Variants in DAB1 observed in about 807,000 individuals in gnomAD.
DAB1 encodes DAB adaptor protein 1.
DAB1 carries 15 observed loss-of-function variants against 64.6 expected under a neutral mutation model. The ratio of observed to expected loss-of-function variants is 0.23; its 90% confidence interval spans 0.16 to 0.36. DAB1 has a LOEUF of 0.36. Among genes scored for constraint, DAB1 ranks in the 10% least tolerant of loss-of-function variants. The probability of loss-of-function intolerance (pLI) is 1.00; values close to 1 mark genes in which losing one functional copy is unlikely to be tolerated. For synonymous variants in DAB1, 235 were observed against 251.9 expected, an observed-to-expected ratio of 0.93 and a Z score of 0.64; for missense variants, 596 against 706.7, an observed-to-expected ratio of 0.84 and a Z score of 1.78.
intron 5 of DAB1, among the ~76,000 whole-genome samples, chr1:58,018,471 C>A (rs116438968): frequency 7.0e-4 from 106 of 152,302 alleles, no homozygotes; most frequent in Middle Eastern, 6.8e-3. Context: ...AGGCTTTGAG[C>A]CACTTTTCTT....
chr1:58,495,909 A>G (rs1342739500), intron 3 of DAB1, among the ~76,000 whole-genome samples: 1 of 152,186 alleles, frequency 6.6e-6, no homozygotes, highest in Non-Finnish European at 1.5e-5. Context: ...TTACCTAGGT[A>G]GCTTGTAAAA....
chr1:57,039,125 A>T (rs1440621425), intron 9 of DAB1, among the ~76,000 whole-genome samples: 1 of 152,256 alleles, frequency 6.6e-6, no homozygotes, highest in Non-Finnish European at 1.5e-5. Flanking sequence ...TGTGGGGAAC[A>T]GTAGTTTTCA....
chr1:57,790,259 C>T (rs1036898327), intron 6 of DAB1, among the ~76,000 whole-genome samples: 2 of 152,152 alleles, frequency 1.3e-5, no homozygotes, highest in Non-Finnish European at 2.9e-5. Flanking sequence ...CCATGCTGTT[C>T]TCATGATAGC....
intron 2 of DAB1, among the ~76,000 whole-genome samples, chr1:58,510,909 A>G (rs980370899): frequency 6.6e-6 from 1 of 152,136 alleles, no homozygotes; most frequent in African/African-American, 2.4e-5. Context: ...ATTAAACCAA[A>G]CTAAGGAGGT....
At chr1:58,512,313 T>A (rs944399771) in intron 2 of DAB1, among the ~76,000 whole-genome samples, 1 of 152,156 alleles carries the variant, frequency 6.6e-6, no homozygotes, top group African/African-American at 2.4e-5. Flanking sequence ...GAACATAAAA[T>A]GGTGTGGACT....
intron 2 of DAB1, among the ~76,000 whole-genome samples, chr1:57,152,601 G>A (rs933236127): frequency 6.6e-6 from 1 of 152,242 alleles, no homozygotes; most frequent in Non-Finnish European, 1.5e-5. Flanking sequence ...CCTATGTGAT[G>A]TCACTTGCCC....
chr1:58,172,860 G>T (rs1656252883), intron 4 of DAB1, among the ~76,000 whole-genome samples: 1 of 152,242 alleles, frequency 6.6e-6, no homozygotes, highest in South Asian at 2.1e-4. Context: ...TATACAGATA[G>T]CAAGTATGCT....
At chr1:57,518,431 T>TAAATA (rs1268080437) in intron 7 of DAB1, among the ~76,000 whole-genome samples, 2 of 151,968 alleles carry the variant, frequency 1.3e-5, no homozygotes, top group East Asian at 1.9e-4. Flanking sequence ...AAAATAGAAA[T>TAAATA]AAATAAAATA....
intron 5 of DAB1, among the ~76,000 whole-genome samples, chr1:58,043,477 T>C (rs1173732470): frequency 6.6e-6 from 1 of 152,174 alleles, no homozygotes. Context: ...CTCTTCTATT[T>C]CCACTGCTTG....
At chr1:58,146,970 A>G (rs947796068) in intron 5 of DAB1, among the ~76,000 whole-genome samples, 3 of 152,196 alleles carry the variant, frequency 2.0e-5, no homozygotes, top group Non-Finnish European at 4.4e-5. Context: ...ACAAGGATGT[A>G]GAGAGACGGG....
intron 2 of DAB1, among the ~76,000 whole-genome samples, chr1:57,277,767 G>A (rs77706597): frequency 2.5e-4 from 38 of 152,222 alleles, no homozygotes; most frequent in Non-Finnish European, 4.9e-4. Flanking sequence ...TCCTTCCCGT[G>A]CACATTTGTC....
chr1:57,691,123 G>C (rs565819071), intron 6 of DAB1, among the ~76,000 whole-genome samples: 6 of 152,082 alleles, frequency 3.9e-5, no homozygotes, highest in African/African-American at 7.2e-5. Flanking sequence ...TTCCTGGGTC[G>C]AGTGGGGACT....
intron 6 of DAB1, among the ~76,000 whole-genome samples, chr1:57,699,800 C>A (rs1646886891): frequency 6.6e-6 from 1 of 152,070 alleles, no homozygotes; most frequent in Admixed American, 6.6e-5. Context: ...GTAGTCCCAG[C>A]TACTTGGGAG....
At chr1:57,534,516 G>A (rs1288297685) in intron 7 of DAB1, among the ~76,000 whole-genome samples, 1 of 152,188 alleles carries the variant, frequency 6.6e-6, no homozygotes, top group Non-Finnish European at 1.5e-5. Flanking sequence ...CCTGGAGGGA[G>A]CCCTGTTGTG....
intron 2 of DAB1, among the ~76,000 whole-genome samples, chr1:57,229,263 G>T (rs1253124105): frequency 1.3e-5 from 2 of 149,792 alleles, no homozygotes; most frequent in Non-Finnish European, 3.0e-5. Context: ...ATATGATCGT[G>T]GCTCACTGCA....
At chr1:57,183,660 C>T (rs1663223598) in intron 2 of DAB1, among the ~76,000 whole-genome samples, 1 of 152,148 alleles carries the variant, frequency 6.6e-6, no homozygotes, top group South Asian at 2.1e-4. Context: ...AATAACTTGC[C>T]AGTTACACAT....
chr1:58,190,562 G>C (rs905340037), intron 4 of DAB1, among the ~76,000 whole-genome samples: 1 of 152,098 alleles, frequency 6.6e-6, no homozygotes, highest in East Asian at 1.9e-4. Flanking sequence ...ACTCCAACTA[G>C]AAAGAGCCTG....
intron 6 of DAB1, among the ~76,000 whole-genome samples, chr1:57,742,464 C>A (rs1291736384): frequency 6.6e-6 from 1 of 152,070 alleles, no homozygotes; most frequent in Non-Finnish European, 1.5e-5. Flanking sequence ...GGGGAGGGAC[C>A]ATCCTGCTGT....
intron 1 of DAB1, among the ~76,000 whole-genome samples, chr1:57,390,318 A>G (rs1028714057): frequency 2.0e-5 from 3 of 152,204 alleles, no homozygotes; most frequent in African/African-American, 7.2e-5. Flanking sequence ...CTTGGACTTC[A>G]ATTTCTGCCT....
Sources: gnomAD v4.1 joint callset for allele counts (sites outside exome capture counted in the v4.1 genomes callset) on GRCh38, gnomAD v4.1.1 for gene constraint, MANE v1.5 for transcripts, NCBI Gene and HGNC (gene_info 2026-07-23, HGNC 2026-07-21) for gene names.